Variants in DOK4 observed in about 807,000 individuals in gnomAD.
DOK4 encodes downstream of tyrosine kinase 4.
In DOK4, 26 loss-of-function variants were observed where a neutral mutation model predicts 40.1. The observed-to-expected ratio is 0.65, with a 90% CI of 0.48 to 0.90. The LOEUF (loss-of-function observed/expected upper bound fraction) is 0.90, where lower values mean the gene tolerates loss of function less well. DOK4 is among the 40% of genes least tolerant of loss of function. The pLI, the probability that DOK4 is intolerant of heterozygous loss-of-function variation, is 0.00. For missense variants in DOK4, 392 were observed against 437.2 expected, an observed-to-expected ratio of 0.90 and a Z score of 0.92; for synonymous variants, 179 against 177.0, an observed-to-expected ratio of 1.01 and a Z score of -0.09.
intron 1 of DOK4, among the ~76,000 whole-genome samples, chr16:57,484,966 C>A (rs1182860433): frequency 6.6e-6 from 1 of 152,232 alleles, no homozygotes; most frequent in Non-Finnish European, 1.5e-5. Context: ...CAGAATGGTG[C>A]CCGGTGGGAA....
chr16:57,483,450 G>A (rs1301485673), intron 1 of DOK4, among the ~76,000 whole-genome samples: 4 of 152,018 alleles, frequency 2.6e-5, no homozygotes, highest in African/African-American at 9.7e-5. Flanking sequence ...CGGCAACATA[G>A]AGAGACCCCG....
At chr16:57,473,542 C>A in intron 8 of DOK4, 47 bp from the exon 9 acceptor site, 1 of 1,614,226 alleles carries the variant, frequency 6.2e-7, no homozygotes, top group Non-Finnish European at 8.5e-7. Flanking sequence ...GGTCAAAAGA[C>A]CCCTGCCCAA....
At chr16:57,476,583 A>C (rs1329178799) in intron 2 of DOK4, among the ~76,000 whole-genome samples, 1 of 152,158 alleles carries the variant, frequency 6.6e-6, no homozygotes, top group Non-Finnish European at 1.5e-5. Context: ...GTCTTTACAA[A>C]GGTAACCCCC....
chr16:57,473,182 C>T (rs1401072993), exon 9 of DOK4: 8 of 721,546 alleles, frequency 1.1e-5, no homozygotes, highest in Middle Eastern at 7.9e-4. Context: ...GTAGCTCCAA[C>T]CCCTCACACA....
At chr16:57,483,487 TG>T (rs1176986698) in intron 1 of DOK4, among the ~76,000 whole-genome samples, 1 of 151,842 alleles carries the variant, frequency 6.6e-6, no homozygotes, top group Non-Finnish European at 1.5e-5. Context: ...AAAAATAAGC[TG>T]GGCATGTGGC....
chr16:57,477,564 G>T lies in DOK4; in HGVS notation c.67-1607C>A, dbSNP rs1428814686. ...CTCCATGCAGCCCGCAGCATCAGGG[G>T]CAGAAGGCCTGGGGGCCTGAGCATG... is the stretch of plus-strand genomic sequence containing the variant. On this transcript the variant is annotated intron_variant, in intron 2 of 8. Transcript: ENST00000340099. 2.0e-5 allele frequency among the ~76,000 whole-genome samples: 3 copies of T among 152,338 alleles called. No individual in the cohort carries two copies. The East Asian group carries it at 5.8e-4, about 29-fold the overall frequency.
In DOK4 at chr16:57,479,745, C is replaced by A; in HGVS notation, c.-181-57G>T. ...CAGTGACATCTTTCTCTTCCTCTCG[C>A]TGTCTCGCTCTCTTTTTTCCTTCCT... On this transcript the variant is annotated intron_variant, in intron 1 of 8. Coordinates refer to ENST00000340099, the Ensembl canonical transcript of DOK4. This position sits in a 1 kb window ranked among gnomAD's most constrained non-coding sequence, Gnocchi z 5.8. The A allele has an allele frequency of 2.2e-6, 1 of 450,832 alleles. No homozygotes were observed. Among genetic ancestry groups the A allele is most frequent in the Non-Finnish European group, 4.0e-6 (1 of 250,474 alleles). The allele number at this position is 450,832 out of a possible 1,614,324, so 27.9% of individuals were successfully genotyped here.
chr16:57,483,261 C>T (rs1314765318), intron 1 of DOK4, among the ~76,000 whole-genome samples: 3 of 152,174 alleles, frequency 2.0e-5, no homozygotes, highest in Non-Finnish European at 4.4e-5. Flanking sequence ...CCACCATCCT[C>T]CAGAAGGAAT....
At chr16:57,482,079 T>A (rs1433589779) in intron 1 of DOK4, among the ~76,000 whole-genome samples, 1 of 152,126 alleles carries the variant, frequency 6.6e-6, no homozygotes, top group Non-Finnish European at 1.5e-5. Context: ...TTAGCCAGGA[T>A]GGTCTCGATC....
chr16:57,481,162 CCTG>C (rs2031396322), intron 1 of DOK4, among the ~76,000 whole-genome samples: 1 of 152,144 alleles, frequency 6.6e-6, no homozygotes, highest in South Asian at 2.1e-4. Flanking sequence ...TAATTAATGT[CCTG>C]GAGGCCTGTC....
At chr16:57,486,793 A>T (rs1202800545), upstream of DOK4, among the ~76,000 whole-genome samples, 1 of 149,678 alleles carries the variant, frequency 6.7e-6, no homozygotes, top group African/African-American at 2.5e-5. Context: ...CCCATACGCC[A>T]CATCAGCTCC....
chr16:57,482,501 G>T (rs1169659012), intron 1 of DOK4, among the ~76,000 whole-genome samples: 5 of 151,422 alleles, frequency 3.3e-5, no homozygotes, highest in African/African-American at 1.2e-4. Context: ...CGAGTAGCTG[G>T]GACTACAGGA....
intron 7 of DOK4, 43 bp downstream of exon 7, chr16:57,473,858 T>G: frequency 1.9e-6 from 3 of 1,550,140 alleles, no homozygotes; most frequent in Non-Finnish European, 2.6e-6. Context: ...GCCCGCCCGT[T>G]CCCCCCTCCC....
intron 4 of DOK4, 84 bp downstream of exon 4, chr16:57,475,422 A>G (rs1326038558): frequency 1.4e-6 from 2 of 1,418,392 alleles, no homozygotes; most frequent in African/African-American, 2.8e-5. Context: ...ACCCAGGGTT[A>G]GCCCTGCTCT....
intron 1 of DOK4, among the ~76,000 whole-genome samples, chr16:57,480,984 C>T (rs188464231): frequency 3.0e-4 from 46 of 152,304 alleles, no homozygotes; most frequent in African/African-American, 1.1e-3. Flanking sequence ...CCTAAGCCTT[C>T]CCTGCCATCC....
At chr16:57,475,989 C>A in intron 2 of DOK4, 32 bp from the exon 3 acceptor site, 1 of 1,568,852 alleles carries the variant, frequency 6.4e-7, no homozygotes, top group Non-Finnish European at 8.7e-7. Flanking sequence ...CTCAGGCCTC[C>A]CTGGACCACT....
chr16:57,473,194 G>A (rs1391056071), exon 9 of DOK4: 2 of 814,490 alleles, frequency 2.5e-6, no homozygotes, highest in East Asian at 5.4e-5. Context: ...CCTCACACAT[G>A]CTCAGGTGGT....
rs180805958 is a variant in DOK4, at chr16:57,477,472, A to C, written c.67-1515T>G. 2.0e-5 allele frequency among the ~76,000 whole-genome samples: 3 copies of C among 152,350 alleles called. No individual in the cohort carries two copies. The East Asian group carries it at 5.8e-4, about 29-fold the overall frequency. On this transcript the variant is annotated intron_variant, in intron 2 of 8. Transcript: ENST00000340099. ...AAACAAGTGAATGACCATATGAAGGAACCGTGAATGAATGGATGGATGAAT... is the reference window on the plus strand; with the variant it reads ...AAACAAGTGAATGACCATATGAAGGCACCGTGAATGAATGGATGGATGAAT...
intron 5 of DOK4, 28 bp downstream of exon 5, chr16:57,475,072 C>A: frequency 1.2e-6 from 2 of 1,608,954 alleles, no homozygotes; most frequent in Non-Finnish European, 1.7e-6. Context: ...TCCCCCTCCC[C>A]ACCCCCAGGG....
Sources: gnomAD v4.1 joint callset for allele counts (sites outside exome capture counted in the v4.1 genomes callset) on GRCh38, gnomAD v4.1.1 for gene constraint, Gnocchi (gnomAD v3.1) non-coding constraint, MANE v1.5 for transcripts, NCBI Gene and HGNC (gene_info 2026-07-23, HGNC 2026-07-21) for gene names.